Variants in TICRR observed in about 807,000 individuals in gnomAD.
TICRR encodes treslin.
A neutral mutation model predicts 178.1 loss-of-function variants in TICRR; 132 were observed. The ratio of observed to expected loss-of-function variants is 0.74; its 90% CI spans 0.64 to 0.86. TICRR has a LOEUF of 0.86. Among genes scored for constraint, TICRR ranks in the 40% least tolerant of loss-of-function variants. TICRR has a pLI of 0.00. For missense variants in TICRR, 2,587 were observed against 2,334.3 expected (o/e 1.11, Z -2.23); for synonymous variants, 991 against 900.7 (o/e 1.10, Z -1.79).
At chr15:89,620,621 G>GTTC (rs1963407881) in intron 18 of TICRR, among the ~76,000 whole-genome samples, 1 of 150,876 alleles carries the variant, frequency 6.6e-6, no homozygotes, top group Admixed American at 6.6e-5. Flanking sequence ...AGCAGTTGTT[G>GTTC]TAGTTGCTGA....
chr15:89,596,508 G>A (rs979322183), intron 7 of TICRR, among the ~76,000 whole-genome samples: 26 of 152,022 alleles, frequency 1.7e-4, no homozygotes, highest in African/African-American at 5.8e-4. Context: ...CACCACACCC[G>A]GCTAATTTTT....
rs569187054 is a variant in TICRR, at chr15:89,576,311, C to T, written c.654+71C>T. 4.3e-6 allele frequency: 6 copies of T among 1,400,776 alleles called. No homozygotes were observed. In the African/African-American group the frequency reaches 5.8e-5, roughly 14 times the overall value. The allele number at this position is 1,400,776 out of a possible 1,614,324, so 86.8% of individuals were successfully genotyped here. A position where few individuals can be genotyped will look rare whatever the true frequency, so the allele number is the denominator to read the frequency against. ...CTTGCTAACCAGAACTTGGCAGCGT[C>T]CTTAGAACAGCCACAGACCCCGAAT... is the stretch of plus-strand genomic sequence containing the variant. On this transcript the variant is annotated intron_variant, in intron 1 of 21. Coordinates refer to ENST00000268138, the MANE Select transcript of TICRR (RefSeq NM_152259.4).
chr15:89,601,081 C>T (rs1963087072), intron 9 of TICRR, among the ~76,000 whole-genome samples: 1 of 142,644 alleles, frequency 7.0e-6, no homozygotes, highest in Non-Finnish European at 1.5e-5. Flanking sequence ...AGATTACCAA[C>T]TGCATGAAGA....
chr15:89,615,029 T>C (rs1190606684), intron 15 of TICRR, among the ~76,000 whole-genome samples: 1 of 152,220 alleles, frequency 6.6e-6, no homozygotes, highest in East Asian at 1.9e-4. Flanking sequence ...GTGTGGACTT[T>C]TGGATGCCTA....
chr15:89,611,282 A>AT (rs961843911), intron 15 of TICRR, among the ~76,000 whole-genome samples: 22 of 151,498 alleles, frequency 1.5e-4, no homozygotes, highest in Admixed American at 7.2e-4. Context: ...TTGGTTGACA[A>AT]TTTTTTTTTC....
intron 15 of TICRR, among the ~76,000 whole-genome samples, chr15:89,610,526 C>T (rs536702067): frequency 6.6e-6 from 1 of 152,278 alleles, no homozygotes; most frequent in East Asian, 1.9e-4. Context: ...AGCTCCCCAC[C>T]CACCAGCTCT....
In TICRR at chr15:89,627,377, A is replaced by ACCATGACCTTGGCAAGTCAG. The variant is rs1397574652; in HGVS notation, c.*292_*311dup. 2 of 372,166 alleles carry ACCATGACCTTGGCAAGTCAG rather than the reference A, an allele frequency of 5.4e-6. No homozygotes were observed. Among genetic ancestry groups the ACCATGACCTTGGCAAGTCAG allele is most frequent in the Non-Finnish European group, 9.7e-6 (2 of 206,264 alleles). 23.1% of individuals were successfully genotyped at this position (372,166 alleles called of 1,614,324 possible). On this transcript the variant is annotated 3_prime_UTR_variant, in exon 22 of 22. Coordinates refer to ENST00000268138, the MANE Select transcript of TICRR (RefSeq NM_152259.4). ...GGAATCCCATTCCAGCCTCACCCCA[A>ACCATGACCTTGGCAAGTCAG]CCATGACCTTGGCAAGTCAGGGGGC...
intron 5 of TICRR, among the ~76,000 whole-genome samples, chr15:89,592,810 G>C (rs1036534192): frequency 2.6e-5 from 4 of 152,206 alleles, no homozygotes; most frequent in Non-Finnish European, 4.4e-5. Context: ...TATGGTTGAC[G>C]TTTATTTTCT....
In TICRR at chr15:89,597,293, G is replaced by A. The variant is rs142292589; in HGVS notation, c.1900+1682G>A. Among the ~76,000 whole-genome samples, 1,453 of 152,208 alleles carry A rather than the reference G, an allele frequency of 9.5e-3. 28 individuals are homozygous for A. Among genetic ancestry groups the A allele is most frequent in the African/African-American group, 0.034 (1,402 of 41,510 alleles). On this transcript the variant is annotated intron_variant, in intron 7 of 21. Coordinates refer to ENST00000268138, the MANE Select transcript of TICRR (RefSeq NM_152259.4). ...AATCCTAGCACTTTGGGAGGCTGAG[G>A]CGGGCAGATCACCCGAGGTCAGTAG...
intron 15 of TICRR, 127 bp downstream of exon 15, chr15:89,609,076 T>TA (rs1963216200): frequency 1.7e-6 from 1 of 593,312 alleles, no homozygotes; most frequent in Non-Finnish European, 2.6e-6. Context: ...TCAGTCTAGC[T>TA]AAAGGTTTGT....
At chr15:89,583,612 C>T (rs1043799257) in intron 2 of TICRR, among the ~76,000 whole-genome samples, 1 of 152,088 alleles carries the variant, frequency 6.6e-6, no homozygotes, top group Non-Finnish European at 1.5e-5. Context: ...ATATGATGCA[C>T]TGTACTTTAT....
At chr15:89,603,758 G>GT (rs2141967230) in intron 13 of TICRR, among the ~76,000 whole-genome samples, 1 of 152,278 alleles carries the variant, frequency 6.6e-6, no homozygotes, top group East Asian at 1.9e-4. Context: ...ATATAGTACT[G>GT]TTTTTTCCTA....
chr15:89,576,355 C>T (rs2141947487), intron 1 of TICRR, 115 bp downstream of exon 1: 1 of 978,902 alleles, frequency 1.0e-6, no homozygotes, highest in Non-Finnish European at 1.5e-6. Context: ...TATGACTATG[C>T]GTCCCTTCGG....
chr15:89,619,869 C>A (rs1361478929), intron 18 of TICRR, 27 bp downstream of exon 18: 1 of 1,581,030 alleles, frequency 6.3e-7, no homozygotes, highest in Non-Finnish European at 8.6e-7. Context: ...TCTGCCTTCA[C>A]AAGTCCGTGC....
At chr15:89,607,276 T>G (rs187341507) in intron 14 of TICRR, among the ~76,000 whole-genome samples, 1 of 152,078 alleles carries the variant, frequency 6.6e-6, no homozygotes, top group East Asian at 1.9e-4. Context: ...ATATTTTGAG[T>G]GTAATAATGG....
At chr15:89,589,078 C>A (rs1962868102) in intron 4 of TICRR, among the ~76,000 whole-genome samples, 1 of 151,988 alleles carries the variant, frequency 6.6e-6, no homozygotes, top group African/African-American at 2.4e-5. Flanking sequence ...GGGGATTTTG[C>A]TGATGAGGGT....
Position 89,599,423 on chromosome 15 carries a change from TG to T in TICRR, c.2001del (p.Met667IlefsTer9). 1 of 1,613,732 alleles carries T rather than the reference TG, an allele frequency of 6.2e-7. No individual in the cohort carries two copies. The highest frequency in any genetic ancestry group is 2.2e-5 in the East Asian group (1 of 44,862). On this transcript the variant is annotated frameshift_variant, in exon 8 of 22. Transcript: ENST00000268138. LOFTEE classifies it high-confidence loss of function. ...EIMLYACARNMISTVKMFLKS... is the reference protein window; with the variant it reads ...EIMLYACARNXISTVKMFLKS... Reference sequence around the variant, plus strand: ...ATGTTGTATGCATGTGCTCGAAACATGATCTCAACCGTTAAAATGTTCCTAA... The same window carrying T: ...ATGTTGTATGCATGTGCTCGAAACATATCTCAACCGTTAAAATGTTCCTAA...
At chr15:89,608,768 G>GT (rs1555421450) in intron 14 of TICRR, 35 bp from the exon 15 acceptor site, 1 of 1,543,716 alleles carries the variant, frequency 6.5e-7, no homozygotes, top group Admixed American at 2.2e-5. Context: ...TAATCTTTGG[G>GT]TTTTTCTTTT....
At position 89,624,379 on chromosome 15, in the gene TICRR, G is replaced by T. The variant is rs115865608; in HGVS notation, c.4069G>T (p.Val1357Phe). ...CGTAGCTGCATCTCTCTCCTGCCCT[G>T]TTCCCTCAACTCCCCCTGAACTCTC... Reference protein sequence around the residue: ...PSVAASLSCPVPSTPPELSQR... With the variant: ...PSVAASLSCPFPSTPPELSQR... The change falls in exon 20 of 22, where the codon GTT becomes TTT. Residue 1357 changes from valine (V) to phenylalanine (F), a missense_variant. Physicochemically the swap from Val to Phe is conservative, Grantham distance 50. Transcript: ENST00000268138. 4.3e-4 allele frequency: 693 copies of T among 1,614,056 alleles called. 1 individual carries two copies. In the African/African-American group the frequency reaches 7.7e-3, roughly 18 times the overall value.
Sources: gnomAD v4.1 joint callset for allele counts (sites outside exome capture counted in the v4.1 genomes callset) on GRCh38, gnomAD v4.1.1 for gene constraint, MANE v1.5 for transcripts, NCBI Gene and HGNC (gene_info 2026-07-23, HGNC 2026-07-21) for gene names.